ABLIM1: variants seen among roughly 807,000 people sequenced by gnomAD.
ABLIM1 encodes actin binding LIM protein 1.
Under a neutral mutation model 107.0 loss-of-function variants are expected in ABLIM1, and 40 were observed. The ratio of observed to expected loss-of-function variants is 0.37; its 90% confidence interval spans 0.29 to 0.49. The LOEUF (loss-of-function observed/expected upper bound fraction) is 0.49, where lower values mean the gene tolerates loss of function less well. Ranked by LOEUF, ABLIM1 falls within the 20% of genes least tolerant of loss-of-function variation. The pLI, the probability that ABLIM1 is intolerant of heterozygous loss-of-function variation, is 0.97. For synonymous variants in ABLIM1, 357 were observed against 357.3 expected, an observed-to-expected ratio of 1.00 and a Z score of 0.01; for missense variants, 857 against 1,008.5, an observed-to-expected ratio of 0.85 and a Z score of 2.04.
At chr10:114,708,075 TTGA>T (rs1439713592) in intron 1 of ABLIM1, among the ~76,000 whole-genome samples, 3 of 152,294 alleles carry the variant, frequency 2.0e-5, no homozygotes, top group African/African-American at 7.2e-5. Context: ...CTCAACGGTC[TTGA>T]TGATGGAAAA....
At chr10:114,643,940 C>T (rs1052456594) in intron 1 of ABLIM1, among the ~76,000 whole-genome samples, 1 of 151,794 alleles carries the variant, frequency 6.6e-6, no homozygotes, top group African/African-American at 2.4e-5. Flanking sequence ...AAGATTTCTA[C>T]AGCATGTTTC....
chr10:114,672,125 T>C (rs1382994701), intron 1 of ABLIM1, among the ~76,000 whole-genome samples: 23 of 152,154 alleles, frequency 1.5e-4, no homozygotes, highest in Non-Finnish European at 1.5e-5. Context: ...AATCCTCCCA[T>C]CTTGGCTTCC....
At chr10:114,439,361 TA>T in intron 20 of ABLIM1, 111 bp from the exon 21 acceptor site, 1 of 1,046,066 alleles carries the variant, frequency 9.6e-7, no homozygotes, top group East Asian at 2.5e-5. Context: ...ACCACTATTT[TA>T]TTTGTGTCAT....
chr10:114,443,154 A>C (rs2060443302), intron 17 of ABLIM1, among the ~76,000 whole-genome samples: 1 of 152,218 alleles, frequency 6.6e-6, no homozygotes, highest in South Asian at 2.1e-4. Flanking sequence ...CTAGCTCAGA[A>C]TATGAGAGAA....
chr10:114,458,774 G>A (rs1020217273), intron 12 of ABLIM1, among the ~76,000 whole-genome samples: 3 of 152,084 alleles, frequency 2.0e-5, no homozygotes, highest in Non-Finnish European at 4.4e-5. Context: ...TATACTTCAT[G>A]GACACAGAAT....
intron 1 of ABLIM1, among the ~76,000 whole-genome samples, chr10:114,609,314 C>G (rs577008716): frequency 6.6e-6 from 1 of 152,352 alleles, no homozygotes; most frequent in South Asian, 2.1e-4. Context: ...TTCACTCCCA[C>G]TGTAACCTCA....
chr10:114,456,670 T>A (rs1455327015), intron 12 of ABLIM1, among the ~76,000 whole-genome samples: 1 of 152,230 alleles, frequency 6.6e-6, no homozygotes, highest in East Asian at 1.9e-4. Flanking sequence ...AATATCTGCA[T>A]ATGCAGGACA....
intron 1 of ABLIM1, among the ~76,000 whole-genome samples, chr10:114,627,395 T>C (rs1413631964): frequency 6.6e-6 from 1 of 152,174 alleles, no homozygotes; most frequent in African/African-American, 2.4e-5. Context: ...AATGCCTCTT[T>C]AAACATCTAC....
intron 1 of ABLIM1, among the ~76,000 whole-genome samples, chr10:114,607,534 C>T (rs908009882): frequency 7.2e-5 from 11 of 152,130 alleles, no homozygotes; most frequent in Non-Finnish European, 1.5e-4. Flanking sequence ...ACAGACAATG[C>T]CCCAGCCACA....
chr10:114,655,183 G>A (rs56834445), intron 1 of ABLIM1, among the ~76,000 whole-genome samples: 1,554 of 152,232 alleles, frequency 0.01, 26 homozygotes, highest in African/African-American at 0.034. Context: ...AGAAGAGCTG[G>A]GAGTCAAATT....
the ABLIM1 span, among the ~76,000 whole-genome samples, chr10:114,789,606 T>TAACA: frequency 6.6e-6 from 1 of 152,198 alleles, no homozygotes; most frequent in Non-Finnish European, 1.5e-5. Context: ...TTTGACTTTT[T>TAACA]AACAGCCATT....
At chr10:114,529,147 A>G (rs1438670736) in intron 6 of ABLIM1, among the ~76,000 whole-genome samples, 1 of 145,236 alleles carries the variant, frequency 6.9e-6, no homozygotes, top group Non-Finnish European at 1.5e-5. Context: ...TTTTTTTGAG[A>G]CAGAGTCTCA....
At chr10:114,549,139 C>T (rs560925720) in intron 4 of ABLIM1, among the ~76,000 whole-genome samples, 1 of 152,328 alleles carries the variant, frequency 6.6e-6, no homozygotes, top group African/African-American at 2.4e-5. Context: ...AATCCCAGAA[C>T]TTTGGGAGGC....
chr10:114,496,816 G>A (rs1025993434), intron 6 of ABLIM1, among the ~76,000 whole-genome samples: 12 of 152,166 alleles, frequency 7.9e-5, no homozygotes, highest in African/African-American at 2.7e-4. Flanking sequence ...TTGAGGAGTC[G>A]TTCTGTTTTT....
intron 1 of ABLIM1, among the ~76,000 whole-genome samples, chr10:114,753,463 A>C (rs895951046): frequency 4.6e-5 from 7 of 152,376 alleles, no homozygotes; most frequent in African/African-American, 1.7e-4. Flanking sequence ...AGATTCTATC[A>C]ATAAGGGACT....
chr10:114,437,151 T>A (rs1428728655), intron 22 of ABLIM1, among the ~76,000 whole-genome samples: 1 of 151,976 alleles, frequency 6.6e-6, no homozygotes, highest in Non-Finnish European at 1.5e-5. Context: ...CAGCCTCCCA[T>A]GAACTCAACC....
chr10:114,630,567 C>A (rs142132576), intron 1 of ABLIM1, among the ~76,000 whole-genome samples: 21 of 152,182 alleles, frequency 1.4e-4, no homozygotes, highest in Admixed American at 1.4e-3. Flanking sequence ...GCAGCCTTTA[C>A]ACTGTTAAGC....
intron 4 of ABLIM1, among the ~76,000 whole-genome samples, chr10:114,555,049 C>CTA (rs2068555911): frequency 6.6e-6 from 1 of 152,188 alleles, no homozygotes; most frequent in Admixed American, 6.5e-5. Context: ...CTTGGTGTCT[C>CTA]TACTGTCCTG....
At chr10:114,700,849 T>C (rs927351390) in intron 1 of ABLIM1, among the ~76,000 whole-genome samples, 6 of 152,120 alleles carry the variant, frequency 3.9e-5, no homozygotes, top group Admixed American at 2.0e-4. Context: ...CATAAAAATA[T>C]AGAATACCTT....
Sources: gnomAD v4.1 joint callset for allele counts (sites outside exome capture counted in the v4.1 genomes callset) on GRCh38, gnomAD v4.1.1 for gene constraint, MANE v1.5 for transcripts, NCBI Gene and HGNC (gene_info 2026-07-23, HGNC 2026-07-21) for gene names.